The following ANKS1B variants were observed in gnomAD, a reference collection of about 807,000 sequenced individuals.
ANKS1B encodes the protein ankyrin repeat and sterile alpha motif domain-containing protein 1B.
A neutral mutation model predicts 148.3 loss-of-function variants in ANKS1B; 36 were observed. The observed-to-expected ratio is 0.24, with a 90% CI of 0.19 to 0.32. The LOEUF (loss-of-function observed/expected upper bound fraction) is 0.32. Ranked by LOEUF, ANKS1B falls within the 10% of genes least tolerant of loss-of-function variation. The probability of loss-of-function intolerance (pLI) is 1.00; values close to 1 mark genes in which losing one functional copy is unlikely to be tolerated. For synonymous variants in ANKS1B, 542 were observed against 560.8 expected (o/e 0.97, Z 0.47); for missense variants, 1,157 against 1,542.6 (o/e 0.75, Z 4.19).
intron 14 of ANKS1B, among the ~76,000 whole-genome samples, chr12:99,169,487 T>C (rs1382769193): frequency 6.6e-6 from 1 of 152,074 alleles, no homozygotes; most frequent in Non-Finnish European, 1.5e-5. Flanking sequence ...GTAATAACTA[T>C]CTGTTTATGC....
chr12:99,248,468 C>A (rs2074154531), intron 12 of ANKS1B, among the ~76,000 whole-genome samples: 1 of 152,192 alleles, frequency 6.6e-6, no homozygotes, highest in African/African-American at 2.4e-5. Context: ...CTGCATCCAT[C>A]TACTACTATT....
intron 6 of ANKS1B, among the ~76,000 whole-genome samples, chr12:99,778,294 G>T (rs372541552): frequency 1.3e-5 from 2 of 151,972 alleles, no homozygotes; most frequent in Admixed American, 1.3e-4. Context: ...GATCACCTGC[G>T]TTCAGGAGTT....
chr12:98,832,891 C>T (rs2153698152), intron 17 of ANKS1B, among the ~76,000 whole-genome samples: 1 of 151,998 alleles, frequency 6.6e-6, no homozygotes, highest in East Asian at 1.9e-4. Context: ...TATTATTTCC[C>T]AAAAGCATAA....
chr12:98,737,798 T>C (rs2097780762), intron 9 of ANKS1B, among the ~76,000 whole-genome samples: 1 of 152,220 alleles, frequency 6.6e-6, no homozygotes, highest in Non-Finnish European at 1.5e-5. Context: ...GCTACCAAAT[T>C]ATATAAAATG....
chr12:99,557,240 A>T (rs1228673538), intron 9 of ANKS1B, among the ~76,000 whole-genome samples: 1 of 152,222 alleles, frequency 6.6e-6, no homozygotes, highest in Admixed American at 6.5e-5. Context: ...AAACATTTTC[A>T]TGAATGATAT....
chr12:99,258,207 G>A (rs2075508458), intron 12 of ANKS1B, among the ~76,000 whole-genome samples: 1 of 152,004 alleles, frequency 6.6e-6, no homozygotes, highest in Admixed American at 6.6e-5. Flanking sequence ...GCCTTGCTCT[G>A]CATGTTTTTG....
chr12:99,242,856 C>T (rs904291981), intron 14 of ANKS1B, among the ~76,000 whole-genome samples: 27 of 152,188 alleles, frequency 1.8e-4, no homozygotes, highest in Non-Finnish European at 1.0e-4. Flanking sequence ...AAAGCTGAAA[C>T]TGGATCCCTT....
At chr12:99,903,847 C>T (rs1484495166) in intron 1 of ANKS1B, among the ~76,000 whole-genome samples, 1 of 151,982 alleles carries the variant, frequency 6.6e-6, no homozygotes, top group Non-Finnish European at 1.5e-5. Context: ...AGAGCTTACT[C>T]ATATAACCTA....
intron 12 of ANKS1B, among the ~76,000 whole-genome samples, chr12:99,369,796 G>GGACA (rs1566971545): frequency 1.8e-5 from 2 of 110,710 alleles, no homozygotes; most frequent in East Asian, 2.4e-4. Flanking sequence ...ATAGATGGAC[G>GGACA]GACGGACAGA....
intron 17 of ANKS1B, among the ~76,000 whole-genome samples, chr12:98,935,373 T>C (rs1026119771): frequency 1.5e-4 from 23 of 152,174 alleles, no homozygotes; most frequent in African/African-American, 4.8e-4. Context: ...GATTCAGCTT[T>C]CTAGTATTTT....
chr12:98,757,401 G>A (rs145031156), intron 25 of ANKS1B, among the ~76,000 whole-genome samples: 1 of 152,324 alleles, frequency 6.6e-6, no homozygotes, highest in African/African-American at 2.4e-5. Flanking sequence ...TTATATTTTG[G>A]GGTGGTTTAT....
chr12:99,203,651 C>T (rs2082321030), intron 14 of ANKS1B, among the ~76,000 whole-genome samples: 1 of 152,108 alleles, frequency 6.6e-6, no homozygotes, highest in African/African-American at 2.4e-5. Flanking sequence ...TGGGGTTTCA[C>T]TGTGTTAGCC....
chr12:99,564,426 C>T (rs531676540), intron 9 of ANKS1B, among the ~76,000 whole-genome samples: 310 of 151,766 alleles, frequency 2.0e-3, no homozygotes, highest in African/African-American at 6.8e-3. Context: ...AAAATTATCC[C>T]ATTTTTTATA....
intron 11 of ANKS1B, among the ~76,000 whole-genome samples, chr12:99,423,895 T>C (rs1290885694): frequency 6.6e-6 from 1 of 152,038 alleles, no homozygotes; most frequent in Non-Finnish European, 1.5e-5. Flanking sequence ...GGTACTAGGC[T>C]TAACCTGGGT....
intron 4 of ANKS1B, among the ~76,000 whole-genome samples, chr12:99,791,166 A>T (rs2065605954): frequency 6.6e-6 from 1 of 152,026 alleles, no homozygotes; most frequent in Admixed American, 6.6e-5. Flanking sequence ...TAAAAATTGT[A>T]GGAAAAGACA....
chr12:99,882,004 C>A (rs2092534891), intron 1 of ANKS1B, among the ~76,000 whole-genome samples: 1 of 152,026 alleles, frequency 6.6e-6, no homozygotes, highest in African/African-American at 2.4e-5. Context: ...AATTACCTGA[C>A]AAAGATGTCA....
intron 17 of ANKS1B, among the ~76,000 whole-genome samples, chr12:98,910,949 G>T (rs2099785949): frequency 6.6e-6 from 1 of 152,116 alleles, no homozygotes. Flanking sequence ...AAATGGCAAG[G>T]CAGGATACTG....
chr12:99,246,867 G>A lies in ANKS1B; in HGVS notation c.1757-3C>T, dbSNP rs1312907705. 1.9e-6 allele frequency: 3 copies of A among 1,566,824 alleles called. No homozygotes were observed. The African/African-American group carries it at 4.1e-5, about 21-fold the overall frequency. On this transcript the variant is annotated splice_region_variant and splice_polypyrimidine_tract_variant and intron_variant, in intron 12 of 26. Transcript: ENST00000683438. ...GTCATCCTGTCGGGAGAGGTCATCT[G>A]CAAAAGGAAGGAAGGGATATCAGGG...
chr12:98,775,830 C>T (rs1367455649), intron 24 of ANKS1B, among the ~76,000 whole-genome samples: 1 of 152,168 alleles, frequency 6.6e-6, no homozygotes. Flanking sequence ...CTGTGATACT[C>T]CATGTTCCAA....
Sources: allele counts gnomAD v4.1 joint callset (sites outside exome capture counted in the v4.1 genomes callset), GRCh38; gene constraint gnomAD v4.1.1; transcripts MANE v1.5; gene names NCBI Gene and HGNC (gene_info 2026-07-23, HGNC 2026-07-21).